VAT1L: variants seen among roughly 807,000 people sequenced by gnomAD.
VAT1L encodes the protein putative NADPH-dependent quinone oxidoreductase VAT1L.
Under a neutral mutation model 44.1 loss-of-function variants are expected in VAT1L, and 34 were observed. That is an observed-to-expected ratio of 0.77 (90% CI 0.59 to 1.03). The LOEUF (loss-of-function observed/expected upper bound fraction) is 1.03. VAT1L is among the 50% of genes least tolerant of loss of function. VAT1L has a pLI of 0.00. For synonymous variants in VAT1L, 253 were observed against 202.2 expected (o/e 1.25, Z -2.13); for missense variants, 615 against 538.8 (o/e 1.14, Z -1.40).
intron 5 of VAT1L, among the ~76,000 whole-genome samples, chr16:77,878,213 T>A (rs556047811): frequency 2.6e-4 from 40 of 152,316 alleles, no homozygotes; most frequent in Admixed American, 7.2e-4. Context: ...TATGCTGGTG[T>A]AAGGGTAATT....
chr16:77,970,051 TAAAAAA>T (rs36120858), intron 7 of VAT1L, among the ~76,000 whole-genome samples: 5 of 86,800 alleles, frequency 5.8e-5, no homozygotes, highest in Admixed American at 1.4e-4. Context: ...ACATCTCTAC[TAAAAAA>T]AAAAAAAAAA....
chr16:77,876,598 T>G lies in VAT1L; in HGVS notation c.826+125T>G, dbSNP rs1395079142. ...TAGTGGGATGGGGGTGTTTCATTTT[T>G]TAATGTTTCCTATAATGTTTCTATT... On this transcript the variant is annotated intron_variant, in intron 5 of 8. Coordinates refer to ENST00000302536, the MANE Select transcript of VAT1L (RefSeq NM_020927.3). 5 of 768,566 alleles carry G rather than the reference T, an allele frequency of 6.5e-6. No homozygotes were observed. In the African/African-American group the frequency reaches 8.8e-5, roughly 13 times the overall value. 47.6% of individuals were successfully genotyped at this position (768,566 alleles called of 1,614,324 possible). A position where few individuals can be genotyped will look rare whatever the true frequency, so the allele number is the denominator to read the frequency against.
intron 7 of VAT1L, among the ~76,000 whole-genome samples, chr16:77,899,789 C>T (rs961088765): frequency 6.6e-6 from 1 of 152,204 alleles, no homozygotes; most frequent in Admixed American, 6.5e-5. Flanking sequence ...ATGCGGAGAG[C>T]GGATGTGTTC....
At chr16:77,875,611 A>G (rs556778100) in intron 4 of VAT1L, among the ~76,000 whole-genome samples, 5 of 152,308 alleles carry the variant, frequency 3.3e-5, no homozygotes, top group Middle Eastern at 3.4e-3. Context: ...TGAGTGAGTG[A>G]ATCAATGAAT....
chr16:77,924,288 A>G (rs921567814), intron 7 of VAT1L, among the ~76,000 whole-genome samples: 7 of 152,052 alleles, frequency 4.6e-5, no homozygotes, highest in Admixed American at 3.9e-4. Context: ...TTCATGCAGG[A>G]CCACCCCAGC....
intron 7 of VAT1L, among the ~76,000 whole-genome samples, chr16:77,899,458 A>G (rs1483884334): frequency 6.6e-6 from 1 of 152,026 alleles, no homozygotes; most frequent in Admixed American, 6.5e-5. Context: ...TGCATCTGTA[A>G]CCCTTGCTCT....
At chr16:77,934,508 G>A (rs1567513162) in intron 7 of VAT1L, among the ~76,000 whole-genome samples, 2 of 152,094 alleles carry the variant, frequency 1.3e-5, no homozygotes, top group African/African-American at 4.8e-5. Flanking sequence ...AAGGAACATG[G>A]CCCAGCTGAC....
At chr16:77,920,731 G>T (rs1427139108) in intron 7 of VAT1L, among the ~76,000 whole-genome samples, 1 of 152,082 alleles carries the variant, frequency 6.6e-6, no homozygotes, top group Non-Finnish European at 1.5e-5. Flanking sequence ...GGTTACAATT[G>T]CTTACAGTAT....
At chr16:77,921,645 CCCTT>C (rs1392388298) in intron 7 of VAT1L, among the ~76,000 whole-genome samples, 2 of 152,176 alleles carry the variant, frequency 1.3e-5, no homozygotes, top group Admixed American at 1.3e-4. Flanking sequence ...CTAATATTTT[CCCTT>C]TGTCCTAATT....
rs371311593 is a variant in VAT1L at position 77,888,988 on chromosome 16, G to A, written c.1077+4186G>A. ...CTTTCTGCAATATCTACAGACATCT[G>A]TTTGGAGCTGCAGTCGGACCAAACG... On this transcript the variant is annotated intron_variant, in intron 7 of 8. Transcript: ENST00000302536. 6.6e-4 allele frequency among the ~76,000 whole-genome samples: 101 copies of A among 152,336 alleles called. 1 individual carries two copies. The highest frequency in any genetic ancestry group is 1.3e-3 in the Non-Finnish European group (88 of 68,034).
At chr16:77,974,562 T>C (rs2018315337) in intron 8 of VAT1L, among the ~76,000 whole-genome samples, 1 of 152,156 alleles carries the variant, frequency 6.6e-6, no homozygotes, top group Non-Finnish European at 1.5e-5. Context: ...TTTCTGAACC[T>C]CCTGAAGCCT....
At chr16:77,831,544 T>C (rs578075806) in intron 3 of VAT1L, among the ~76,000 whole-genome samples, 5 of 152,276 alleles carry the variant, frequency 3.3e-5, no homozygotes, top group Middle Eastern at 3.4e-3. Flanking sequence ...TTAATCATGA[T>C]AAAACATAGT....
chr16:77,865,577 A>G (rs1201555763), intron 4 of VAT1L, among the ~76,000 whole-genome samples: 1 of 152,212 alleles, frequency 6.6e-6, no homozygotes, highest in Non-Finnish European at 1.5e-5. Flanking sequence ...CACATTTTCG[A>G]CATGTGCTCT....
chr16:77,877,282 G>A (rs1047367810), intron 5 of VAT1L, among the ~76,000 whole-genome samples: 2 of 151,952 alleles, frequency 1.3e-5, no homozygotes, highest in South Asian at 2.1e-4. Flanking sequence ...AGGCCGAGGC[G>A]GGCGGATCAT....
At chr16:77,868,412 A>G (rs533871731) in intron 4 of VAT1L, among the ~76,000 whole-genome samples, 2 of 152,228 alleles carry the variant, frequency 1.3e-5, no homozygotes, top group Non-Finnish European at 2.9e-5. Context: ...GGCAGCTGAT[A>G]GGGAAGTACA....
At chr16:77,963,062 A>G (rs2142536601) in intron 7 of VAT1L, among the ~76,000 whole-genome samples, 1 of 152,342 alleles carries the variant, frequency 6.6e-6, no homozygotes, top group South Asian at 2.1e-4. Context: ...AGAGGCTTCT[A>G]GTGGATCCAG....
chr16:77,938,025 C>G (rs1019129991), intron 7 of VAT1L, among the ~76,000 whole-genome samples: 5 of 152,196 alleles, frequency 3.3e-5, no homozygotes, highest in Non-Finnish European at 7.3e-5. Flanking sequence ...AAGGGCAAAA[C>G]CCTTCTTTTT....
intron 8 of VAT1L, among the ~76,000 whole-genome samples, chr16:77,976,729 C>T (rs1205877208): frequency 6.6e-6 from 1 of 152,172 alleles, no homozygotes; most frequent in African/African-American, 2.4e-5. Flanking sequence ...TTTCTTTCAC[C>T]TGGTTCTTAA....
chr16:77,916,182 C>T (rs1361202720), intron 7 of VAT1L, among the ~76,000 whole-genome samples: 1 of 152,120 alleles, frequency 6.6e-6, no homozygotes, highest in Non-Finnish European at 1.5e-5. Flanking sequence ...GAAATCACAA[C>T]CTCTGCTGTA....
Sources: allele counts gnomAD v4.1 joint callset (sites outside exome capture counted in the v4.1 genomes callset), GRCh38; gene constraint gnomAD v4.1.1; transcripts MANE v1.5; gene names NCBI Gene and HGNC (gene_info 2026-07-23, HGNC 2026-07-21).